The following CRB2 variants were observed in gnomAD, a reference collection of about 807,000 sequenced individuals.
CRB2 encodes crumbs cell polarity complex component 2.
In CRB2, 85 loss-of-function variants were observed where a neutral mutation model predicts 110.9. That is an observed-to-expected ratio of 0.77 (90% CI 0.64 to 0.92). The LOEUF (loss-of-function observed/expected upper bound fraction) is 0.92, where lower values mean the gene tolerates loss of function less well. Ranked by LOEUF, CRB2 falls within the 40% of genes least tolerant of loss-of-function variation. The probability of loss-of-function intolerance (pLI) is 0.00; values close to 1 mark genes in which losing one functional copy is unlikely to be tolerated. For missense variants in CRB2, 1,843 were observed against 1,851.3 expected (o/e 1.00, Z 0.08); for synonymous variants, 907 against 831.0 (o/e 1.09, Z -1.57).
Position 123,376,874 on chromosome 9 carries a change from G to C in CRB2, c.3670G>C (p.Glu1224Gln). Residue 1224 changes from glutamate to glutamine, a missense_variant, in exon 13 of 13, where the codon GAG (glutamate) becomes CAG (glutamine). Physicochemically the swap from Glu to Gln is conservative, Grantham distance 29. Transcript: ENST00000373631. ...CCTGCCGCTGCCATTCCCACTGCTGGAGGTGGCCGTACCTGCAGCCTGTGC... is the reference window on the plus strand; with the variant it reads ...CCTGCCGCTGCCATTCCCACTGCTGCAGGTGGCCGTACCTGCAGCCTGTGC... Reference protein sequence around the residue: ...LPLPLPFPLLEVAVPAACACL... With the variant: ...LPLPLPFPLLQVAVPAACACL... 2 of 1,609,922 alleles carry C rather than the reference G, an allele frequency of 1.2e-6. No homozygotes were observed. The highest frequency in any genetic ancestry group is 1.7e-6 in the Non-Finnish European group (2 of 1,179,412).
intron 1 of CRB2, among the ~76,000 whole-genome samples, chr9:123,360,308 C>T (rs1029807377): frequency 1.3e-5 from 2 of 152,186 alleles, no homozygotes; most frequent in Non-Finnish European, 2.9e-5. Context: ...GTTAATCCCT[C>T]CCTGCCAGGT....
At position 123,363,171 on chromosome 9, in the gene CRB2, G is replaced by T; in HGVS notation, c.401G>T (p.Cys134Phe). The stretch of plus-strand genomic sequence containing the variant: ...CTGGCCGATCGCTACGAGTGCCATT[G>T]CCCCCTTGGCTATGCAGGTAACAGC... ...RNLADRYECH[C>F]PLGYAGVTCE... Residue 134 changes from cysteine to phenylalanine, a missense_variant, in exon 2 of 13, where the codon TGC becomes TTC. Physicochemically the swap from Cys to Phe is radical, Grantham distance 205. Coordinates refer to ENST00000373631, the MANE Select transcript of CRB2 (RefSeq NM_173689.7). 6.2e-7 allele frequency: 1 copy of T among 1,605,162 alleles called. No homozygotes were observed.
intron 10 of CRB2, 94 bp from the exon 11 acceptor site, chr9:123,374,485 T>G: frequency 2.4e-4 from 198 of 841,378 alleles, no homozygotes; most frequent in Non-Finnish European, 3.6e-4. Flanking sequence ...GTTCCATACA[T>G]GAGAACACAA....
intron 10 of CRB2, 63 bp downstream of exon 10, chr9:123,373,983 A>C: frequency 6.5e-7 from 1 of 1,542,442 alleles, no homozygotes. Context: ...GGGGCAGAGA[A>C]GTCTGCCAGG....
intron 1 of CRB2, among the ~76,000 whole-genome samples, chr9:123,361,902 C>T: frequency 6.6e-6 from 1 of 152,168 alleles, no homozygotes. Flanking sequence ...ACAAGGCTCT[C>T]AGGAAGGCAG....
In CRB2 at chr9:123,371,759, C is replaced by T. The variant is rs13291617; in HGVS notation, c.2436+181C>T. Reference sequence around the variant, plus strand: ...CAGGGCAGATTTACATCTGTCTCTTCAGCCCAGCTGCTCCTACCCTCTGGC... The same window carrying T: ...CAGGGCAGATTTACATCTGTCTCTTTAGCCCAGCTGCTCCTACCCTCTGGC... On this transcript the variant is annotated intron_variant, in intron 8 of 12. Coordinates refer to ENST00000373631, the MANE Select transcript of CRB2 (RefSeq NM_173689.7). 0.13 allele frequency among the ~76,000 whole-genome samples: 20,165 copies of T among 152,202 alleles called. 1,513 individuals carry two copies. The highest frequency in any genetic ancestry group is 0.26 in the East Asian group (1,355 of 5,174).
rs553056628 is a variant in CRB2, at chr9:123,378,182, C to T, written c.*1120C>T. The stretch of plus-strand genomic sequence containing the variant: ...CTGCTGAGTACAGGGGCTCAGTGAA[C>T]ACTGGCGCTGCCTCTGAGTCGGGGC... On this transcript the variant is annotated 3_prime_UTR_variant, in exon 13 of 13. Coordinates refer to ENST00000373631, the MANE Select transcript of CRB2 (RefSeq NM_173689.7). 6.6e-6 allele frequency: 1 copy of T among 152,264 alleles called. No homozygotes were observed. The highest frequency in any genetic ancestry group is 1.5e-5 in the Non-Finnish European group (1 of 68,074). The allele number at this position is 152,264 out of a possible 1,614,324, so 9.4% of individuals were successfully genotyped here.
chr9:123,364,091 C>A (rs1464824321), intron 2 of CRB2, among the ~76,000 whole-genome samples: 1 of 152,136 alleles, frequency 6.6e-6, no homozygotes, highest in African/African-American at 2.4e-5. Context: ...GGGCAGGGGG[C>A]CTACAGCGAA....
At chr9:123,376,182 C>CAA (rs561124238) in intron 12 of CRB2, among the ~76,000 whole-genome samples, 22 of 152,172 alleles carry the variant, frequency 1.4e-4, no homozygotes, top group Non-Finnish European at 2.8e-4. Context: ...ACTTTCCTGT[C>CAA]AAGTTTTAGG....
At chr9:123,361,736 G>C (rs2041871162) in intron 1 of CRB2, among the ~76,000 whole-genome samples, 1 of 152,216 alleles carries the variant, frequency 6.6e-6, no homozygotes, top group South Asian at 2.1e-4. Context: ...ATTTGATGAG[G>C]GGATTCTTTT....
At position 123,370,486 on chromosome 9, in the gene CRB2, A is replaced by G. The variant is rs575296054; in HGVS notation, c.1433A>G (p.Asn478Ser). 173 of 1,613,478 alleles carry G rather than the reference A, an allele frequency of 1.1e-4. No homozygotes were observed. The highest frequency in any genetic ancestry group is 8.7e-4 in the East Asian group (39 of 44,882). The change falls in exon 7 of 13, where the codon AAT becomes AGT. Residue 478 changes from asparagine to serine, a missense_variant. Coordinates refer to ENST00000373631, the MANE Select transcript of CRB2 (RefSeq NM_173689.7). ...CCCGCTGGGACCTTGGCCACTCGCA[A>G]TGACACCAAGGAAAGCTTGGAGCTG... ...TLPAGTLATR[N>S]DTKESLELAL...
In CRB2 at chr9:123,356,256, C is replaced by T; in HGVS notation, c.-5C>T. ...GCAGCCGAGCAGAGCGCAGAGCGGGCTGCCATGGCGCTGGCCAGGCCTGGG... is the reference window on the plus strand; with the variant it reads ...GCAGCCGAGCAGAGCGCAGAGCGGGTTGCCATGGCGCTGGCCAGGCCTGGG... On this transcript the variant is annotated 5_prime_UTR_variant, in exon 1 of 13. Transcript: ENST00000373631. 6.7e-7 allele frequency: 1 copy of T among 1,493,436 alleles called. No homozygotes were observed. Among genetic ancestry groups the T allele is most frequent in the East Asian group, 2.5e-5 (1 of 39,366 alleles). 92.5% of individuals were successfully genotyped at this position (1,493,436 alleles called of 1,614,324 possible).
At chr9:123,366,167 G>A in intron 3 of CRB2, 55 bp downstream of exon 3, 1 of 1,378,908 alleles carries the variant, frequency 7.3e-7, no homozygotes, top group Non-Finnish European at 9.3e-7. Context: ...GGGCGGGGAG[G>A]CCAGGCGCGG....
chr9:123,359,430 G>GTTGTTTTTTTTTTTTTTTTTTTTT (rs2041835400), intron 1 of CRB2, among the ~76,000 whole-genome samples: 1 of 98,024 alleles, frequency 1.0e-5, no homozygotes, highest in African/African-American at 4.8e-5. Context: ...GTGGTTTTTC[G>GTTGTTTTTTTTTTTTTTTTTTTTT]TTTTTGTTTT....
At chr9:123,372,583 C>T (rs1302286174) in intron 9 of CRB2, among the ~76,000 whole-genome samples, 1 of 152,194 alleles carries the variant, frequency 6.6e-6, no homozygotes, top group African/African-American at 2.4e-5. Context: ...AGTGGCATAG[C>T]ATGTGCCAAG....
In CRB2 at chr9:123,378,470, T is replaced by C. The variant is rs554156738; in HGVS notation, c.*1408T>C. ...CCAGAGGCATGGGTGTCCAGTCCAA[T>C]GTGGGGAGCCACGTGACAACGTGGG... On this transcript the variant is annotated 3_prime_UTR_variant, in exon 13 of 13. Transcript: ENST00000373631. 6 of 152,378 alleles carry C rather than the reference T, an allele frequency of 3.9e-5. No individual in the cohort carries two copies. The highest frequency in any genetic ancestry group is 2.1e-4 in the South Asian group (1 of 4,824). 9.4% of individuals were successfully genotyped at this position (152,378 alleles called of 1,614,324 possible). A position where few individuals can be genotyped will look rare whatever the true frequency, so the allele number is the denominator to read the frequency against.
At chr9:123,364,195 A>G (rs1400446225) in intron 2 of CRB2, among the ~76,000 whole-genome samples, 1 of 152,132 alleles carries the variant, frequency 6.6e-6, no homozygotes, top group Non-Finnish European at 1.5e-5. Flanking sequence ...ATTAGTGTAC[A>G]TGCCAGTGCA....
intron 1 of CRB2, among the ~76,000 whole-genome samples, chr9:123,357,258 A>G (rs2041810423): frequency 6.6e-6 from 1 of 152,058 alleles, no homozygotes; most frequent in Non-Finnish European, 1.5e-5. Context: ...GGGGGGTCCA[A>G]GGGAACGCTT....
At position 123,371,594 on chromosome 9, in the gene CRB2, C is replaced by CGGTGGT. The variant is rs748183673; in HGVS notation, c.2436+25_2436+30dup. ...CATGTGCAGTGTAAGTGTCTGGTGGCGGTGGTGGTGGTGGGGTGGGGAGTC... is the reference window on the plus strand; with the variant it reads ...CATGTGCAGTGTAAGTGTCTGGTGGCGGTGGTGGTGGTGGTGGTGGGGTGGGGAGTC... On this transcript the variant is annotated intron_variant, in intron 8 of 12. Coordinates refer to ENST00000373631, the MANE Select transcript of CRB2 (RefSeq NM_173689.7). The CGGTGGT allele has an allele frequency of 1.2e-6, 2 of 1,610,846 alleles. No individual in the cohort carries two copies. Among genetic ancestry groups the CGGTGGT allele is most frequent in the Non-Finnish European group, 1.7e-6 (2 of 1,179,818 alleles).
Sources: allele counts gnomAD v4.1 joint callset (sites outside exome capture counted in the v4.1 genomes callset), GRCh38; gene constraint gnomAD v4.1.1; transcripts MANE v1.5; gene names NCBI Gene and HGNC (gene_info 2026-07-23, HGNC 2026-07-21).